The following CNTN5 variants were observed in gnomAD, a reference collection of about 807,000 sequenced individuals.
The protein encoded by CNTN5 is contactin-5.
CNTN5 carries 77 observed loss-of-function variants against 129.1 expected under a neutral mutation model. The ratio of observed to expected loss-of-function variants is 0.60; its 90% confidence interval spans 0.50 to 0.72. The LOEUF (loss-of-function observed/expected upper bound fraction) is 0.72, where lower values mean the gene tolerates loss of function less well. CNTN5 is among the 30% of genes least tolerant of loss of function. The pLI is 0.00. For synonymous variants in CNTN5, 509 were observed against 465.6 expected, an observed-to-expected ratio of 1.09 and a Z score of -1.20; for missense variants, 1,478 against 1,328.8, an observed-to-expected ratio of 1.11 and a Z score of -1.75.
intron 1 of CNTN5, among the ~76,000 whole-genome samples, chr11:99,303,478 C>T (rs1422027622): frequency 6.6e-6 from 1 of 150,570 alleles, no homozygotes; most frequent in African/African-American, 2.4e-5. Context: ...GATTACATGG[C>T]AGCATAATTA....
chr11:100,306,317 G>C (rs1337940681), intron 20 of CNTN5, among the ~76,000 whole-genome samples: 5 of 151,504 alleles, frequency 3.3e-5, no homozygotes, highest in African/African-American at 9.7e-5. Flanking sequence ...ACTTAAACTT[G>C]TACAGTACTA....
intron 1 of CNTN5, among the ~76,000 whole-genome samples, chr11:99,116,487 T>C (rs1338097259): frequency 6.6e-6 from 1 of 152,182 alleles, no homozygotes; most frequent in African/African-American, 2.4e-5. Context: ...TTTTAAGGCG[T>C]TTGGATGTTG....
intron 2 of CNTN5, among the ~76,000 whole-genome samples, chr11:99,474,816 C>G (rs1473448619): frequency 6.6e-6 from 1 of 152,120 alleles, no homozygotes; most frequent in African/African-American, 2.4e-5. Flanking sequence ...CTTTCTAGCA[C>G]CCCCTGCCAT....
rs745546818 is a variant in CNTN5 at position 99,819,696 on chromosome 11, C to T, written c.208C>T (p.Leu70=). The part of the protein sequence containing the change: ...GTLSASSPSW[L]GAAQNYYSPI... ...ACTGAGTGCTTCTTCACCCAGCTGG[C>T]TAGGGGCAGCTCAGAATTATTATTC... Residue 70 remains leucine (L), a synonymous_variant, in exon 4 of 25, where the codon CTA becomes TTA. Coordinates refer to ENST00000524871, the MANE Select transcript of CNTN5 (RefSeq NM_014361.4). 2.0e-5 allele frequency: 32 copies of T among 1,612,644 alleles called. No individual in the cohort carries two copies. The highest frequency in any genetic ancestry group is 2.2e-5 in the East Asian group (1 of 44,860).
At chr11:99,990,449 T>TACACACACACACACAC (rs1241963020) in intron 8 of CNTN5, among the ~76,000 whole-genome samples, 9 of 75,774 alleles carry the variant, frequency 1.2e-4, no homozygotes, top group African/African-American at 4.1e-4. Context: ...TTAGAATATA[T>TACACACACACACACAC]ATATATACAC....
chr11:99,090,152 C>A (rs1281996027), intron 1 of CNTN5, among the ~76,000 whole-genome samples: 8 of 152,132 alleles, frequency 5.3e-5, no homozygotes, highest in Non-Finnish European at 7.4e-5. Flanking sequence ...ATATTTTGTT[C>A]ATTCATATGT....
intron 15 of CNTN5, among the ~76,000 whole-genome samples, chr11:100,203,710 A>G (rs918897843): frequency 1.3e-5 from 2 of 151,154 alleles, no homozygotes; most frequent in African/African-American, 2.4e-5. Flanking sequence ...CACCTTTTAC[A>G]CTATAATGAC....
intron 3 of CNTN5, among the ~76,000 whole-genome samples, chr11:99,702,528 GTT>G (rs1315030398): frequency 6.6e-6 from 1 of 150,856 alleles, no homozygotes; most frequent in Non-Finnish European, 1.5e-5. Context: ...ATCATAATCA[GTT>G]TTGTTATAAT....
At chr11:99,795,235 T>C (rs573188792) in intron 3 of CNTN5, among the ~76,000 whole-genome samples, 40 of 152,376 alleles carry the variant, frequency 2.6e-4, no homozygotes, top group Non-Finnish European at 4.9e-4. Flanking sequence ...TGTGATTGTA[T>C]TATGATATAT....
At chr11:99,414,572 C>T (rs1251418768) in intron 2 of CNTN5, among the ~76,000 whole-genome samples, 1 of 151,880 alleles carries the variant, frequency 6.6e-6, no homozygotes, top group Non-Finnish European at 1.5e-5. Context: ...TGAGGTCAGG[C>T]TAGGCAGAAA....
intron 6 of CNTN5, among the ~76,000 whole-genome samples, chr11:99,911,822 A>G (rs1056997057): frequency 6.6e-6 from 1 of 151,664 alleles, no homozygotes; most frequent in Non-Finnish European, 1.5e-5. Context: ...ATCTTTATGA[A>G]GTCTATGAAG....
At chr11:100,079,599 A>G (rs1944278793) in intron 13 of CNTN5, among the ~76,000 whole-genome samples, 1 of 152,136 alleles carries the variant, frequency 6.6e-6, no homozygotes. Flanking sequence ...AGACAAATAG[A>G]CATGGGGAGT....
intron 1 of CNTN5, among the ~76,000 whole-genome samples, chr11:99,303,481 C>A (rs758234212): frequency 1.3e-5 from 2 of 150,554 alleles, no homozygotes; most frequent in African/African-American, 2.4e-5. Context: ...TACATGGCAG[C>A]ATAATTATAT....
At chr11:99,249,989 T>C (rs1465680839) in intron 1 of CNTN5, among the ~76,000 whole-genome samples, 1 of 151,902 alleles carries the variant, frequency 6.6e-6, no homozygotes, top group Non-Finnish European at 1.5e-5. Flanking sequence ...ATAAGGAAAA[T>C]ATTAATTTCT....
At chr11:100,056,294 T>C (rs1466108056) in intron 9 of CNTN5, among the ~76,000 whole-genome samples, 2 of 151,676 alleles carry the variant, frequency 1.3e-5, no homozygotes, top group South Asian at 2.1e-4. Flanking sequence ...TTTAATAAAT[T>C]GGAGCAACAA....
intron 3 of CNTN5, among the ~76,000 whole-genome samples, chr11:99,808,036 G>A (rs1946325295): frequency 6.6e-6 from 1 of 152,108 alleles, no homozygotes; most frequent in Non-Finnish European, 1.5e-5. Context: ...AGAAATACAT[G>A]TTAGCTGATT....
chr11:100,322,885 A>T (rs957671748), intron 21 of CNTN5, among the ~76,000 whole-genome samples: 1 of 152,194 alleles, frequency 6.6e-6, no homozygotes, highest in Non-Finnish European at 1.5e-5. Context: ...AGAAGAGTAT[A>T]GTGAATTTCT....
chr11:99,767,782 C>G lies in CNTN5; in HGVS notation c.56-51762C>G, dbSNP rs368469051. Among the ~76,000 whole-genome samples, 12 of 152,006 alleles carry G rather than the reference C, an allele frequency of 7.9e-5. No individual in the cohort carries two copies. The East Asian group carries it at 1.9e-3, about 24-fold the overall frequency. On this transcript the variant is annotated intron_variant, in intron 3 of 24. Transcript: ENST00000524871. Reference sequence around the variant, plus strand: ...GCAGTGACGTTACAGCAAATAAAGACTACATGAATTCTTATTAAATACTGT... The same window carrying G: ...GCAGTGACGTTACAGCAAATAAAGAGTACATGAATTCTTATTAAATACTGT...
chr11:99,376,254 C>A (rs1940174524), intron 2 of CNTN5, among the ~76,000 whole-genome samples: 1 of 152,108 alleles, frequency 6.6e-6, no homozygotes, highest in Admixed American at 6.5e-5. Flanking sequence ...AATCAACAAT[C>A]CCAAAATATA....
Sources: allele counts gnomAD v4.1 joint callset (sites outside exome capture counted in the v4.1 genomes callset), GRCh38; gene constraint gnomAD v4.1.1; transcripts MANE v1.5; gene names NCBI Gene and HGNC (gene_info 2026-07-23, HGNC 2026-07-21).